The following TACR1 variants were observed in gnomAD, a reference collection of about 807,000 sequenced individuals.
TACR1 encodes substance-P receptor.
In TACR1, 25 loss-of-function variants were observed where a neutral mutation model predicts 35.8. That is an observed-to-expected ratio of 0.70 (90% CI 0.51 to 0.98). The LOEUF (loss-of-function observed/expected upper bound fraction) is 0.98. Ranked by LOEUF, TACR1 falls within the 50% of genes least tolerant of loss-of-function variation. The pLI is 0.00. For synonymous variants in TACR1, 195 were observed against 206.7 expected (o/e 0.94, Z 0.48); for missense variants, 478 against 522.9 (o/e 0.91, Z 0.84).
intron 1 of TACR1, among the ~76,000 whole-genome samples, chr2:75,194,632 G>C (rs936175958): frequency 6.6e-6 from 1 of 152,076 alleles, no homozygotes. Context: ...TCATGTTTTT[G>C]TTCTAGGTTC....
intron 2 of TACR1, among the ~76,000 whole-genome samples, chr2:75,054,149 TAGA>T (rs1406888950): frequency 3.9e-5 from 6 of 152,174 alleles, no homozygotes; most frequent in Non-Finnish European, 7.3e-5. Context: ...GCTACATTAA[TAGA>T]AGTATAGTCT....
At chr2:75,157,447 A>C (rs1347277219) in intron 1 of TACR1, among the ~76,000 whole-genome samples, 5 of 152,198 alleles carry the variant, frequency 3.3e-5, no homozygotes, top group African/African-American at 9.6e-5. Flanking sequence ...AGGATTTGAC[A>C]TAGGAAAATC....
At chr2:75,121,614 A>G (rs1157386840) in intron 1 of TACR1, among the ~76,000 whole-genome samples, 1 of 152,208 alleles carries the variant, frequency 6.6e-6, no homozygotes, top group East Asian at 1.9e-4. Context: ...AAGGATAAGT[A>G]TTTCATATCA....
At chr2:75,069,859 A>C (rs1161316964) in intron 2 of TACR1, among the ~76,000 whole-genome samples, 1 of 152,124 alleles carries the variant, frequency 6.6e-6, no homozygotes, top group African/African-American at 2.4e-5. Flanking sequence ...CTTGATCTCC[A>C]GGCTGAGACA....
chr2:75,161,576 T>C (rs1163621739), intron 1 of TACR1, among the ~76,000 whole-genome samples: 2 of 152,046 alleles, frequency 1.3e-5, no homozygotes, highest in Admixed American at 6.5e-5. Flanking sequence ...AACAACAGAA[T>C]GCGCAACTTT....
At chr2:75,180,793 T>C (rs1488903617) in intron 1 of TACR1, among the ~76,000 whole-genome samples, 3 of 152,180 alleles carry the variant, frequency 2.0e-5, no homozygotes, top group Non-Finnish European at 4.4e-5. Flanking sequence ...ATGAACTAAA[T>C]AATAGTTCAT....
chr2:75,112,678 A>G (rs1673775117), intron 2 of TACR1, among the ~76,000 whole-genome samples: 1 of 152,142 alleles, frequency 6.6e-6, no homozygotes, highest in South Asian at 2.1e-4. Flanking sequence ...TTATTGCTGA[A>G]TAATTATTGC....
chr2:75,083,459 G>A (rs918334784), intron 2 of TACR1, among the ~76,000 whole-genome samples: 2 of 152,152 alleles, frequency 1.3e-5, no homozygotes, highest in East Asian at 1.9e-4. Context: ...CCAATTCTGT[G>A]AAGAAAGTCA....
chr2:75,111,993 T>C (rs1572936874), intron 2 of TACR1, among the ~76,000 whole-genome samples: 1 of 152,064 alleles, frequency 6.6e-6, no homozygotes, highest in Admixed American at 6.6e-5. Context: ...TATGCTATTA[T>C]ATACTGTGAC....
intron 1 of TACR1, among the ~76,000 whole-genome samples, chr2:75,163,674 G>T (rs546754918): frequency 1.3e-5 from 2 of 152,020 alleles, no homozygotes; most frequent in African/African-American, 4.8e-5. Context: ...GATATTCAAC[G>T]TTGTTTTCAT....
intron 1 of TACR1, among the ~76,000 whole-genome samples, chr2:75,142,032 C>T (rs1373827720): frequency 6.6e-6 from 1 of 152,196 alleles, no homozygotes; most frequent in Non-Finnish European, 1.5e-5. Context: ...TCAAATGATT[C>T]TGTGACAATC....
chr2:75,135,711 T>C (rs938583309), intron 1 of TACR1, among the ~76,000 whole-genome samples: 1 of 152,206 alleles, frequency 6.6e-6, no homozygotes, highest in African/African-American at 2.4e-5. Flanking sequence ...CCCCACATGC[T>C]AATTCCACAG....
intron 2 of TACR1, among the ~76,000 whole-genome samples, chr2:75,103,207 T>C (rs1673573535): frequency 6.6e-6 from 1 of 152,082 alleles, no homozygotes; most frequent in South Asian, 2.1e-4. Context: ...CATTCCCTAA[T>C]AGAAGAAACC....
At chr2:75,139,384 T>A (rs1674357252) in intron 1 of TACR1, among the ~76,000 whole-genome samples, 1 of 152,236 alleles carries the variant, frequency 6.6e-6, no homozygotes, top group Admixed American at 6.5e-5. Context: ...CAGACAGGAT[T>A]TGAATCCAGG....
intron 1 of TACR1, among the ~76,000 whole-genome samples, chr2:75,157,597 TACTC>T (rs781578526): frequency 1.3e-5 from 2 of 152,138 alleles, no homozygotes; most frequent in Non-Finnish European, 2.9e-5. Context: ...CTGTGACAAA[TACTC>T]ACTGGGAACA....
At chr2:75,165,935 C>G (rs1200513538) in intron 1 of TACR1, among the ~76,000 whole-genome samples, 1 of 152,190 alleles carries the variant, frequency 6.6e-6, no homozygotes, top group African/African-American at 2.4e-5. Context: ...AAGCCCCATA[C>G]TTTAATGGGC....
At chr2:75,181,518 T>G (rs546044892) in intron 1 of TACR1, among the ~76,000 whole-genome samples, 1 of 152,278 alleles carries the variant, frequency 6.6e-6, no homozygotes, top group South Asian at 2.1e-4. Flanking sequence ...TTTAACATTA[T>G]CCCTATGGTC....
intron 2 of TACR1, chr2:75,118,830 T>C (rs1270788857): frequency 1.3e-5 from 2 of 152,214 alleles, no homozygotes; most frequent in African/African-American, 4.8e-5. Flanking sequence ...GGAGATTTTT[T>C]TTTTCCCTTT....
chr2:75,058,310 A>G (rs531593878), intron 2 of TACR1, among the ~76,000 whole-genome samples: 1 of 152,318 alleles, frequency 6.6e-6, no homozygotes, highest in Non-Finnish European at 1.5e-5. Context: ...GTCTATTTAT[A>G]TGTATATATT....
Sources: gnomAD v4.1 joint callset for allele counts (sites outside exome capture counted in the v4.1 genomes callset) on GRCh38, gnomAD v4.1.1 for gene constraint, MANE v1.5 for transcripts, NCBI Gene and HGNC (gene_info 2026-07-23, HGNC 2026-07-21) for gene names.